The following C12orf42 variants were observed in gnomAD, a reference collection of about 807,000 sequenced individuals.
The protein encoded by C12orf42 is uncharacterized protein C12orf42.
A neutral mutation model predicts 21.6 loss-of-function variants in C12orf42; 25 were observed. That is an observed-to-expected ratio of 1.16 (90% confidence interval 0.84 to 1.62). The LOEUF (loss-of-function observed/expected upper bound fraction) is 1.62. Among genes scored for constraint, C12orf42 ranks in the 40% most tolerant of loss-of-function variants. The pLI, the probability that C12orf42 is intolerant of heterozygous loss-of-function variation, is 0.00. For synonymous variants in C12orf42, 174 were observed against 175.0 expected (o/e 0.99, Z 0.05); for missense variants, 483 against 459.3 (o/e 1.05, Z -0.47).
the C12orf42 span, among the ~76,000 whole-genome samples, chr12:103,531,946 GT>G: frequency 6.6e-6 from 1 of 152,100 alleles, no homozygotes; most frequent in Admixed American, 6.6e-5. Flanking sequence ...GCTTTTTTCT[GT>G]TTTTAAGACC....
chr12:103,433,120 G>C (rs1390687172), intron 2 of C12orf42, among the ~76,000 whole-genome samples: 1 of 152,122 alleles, frequency 6.6e-6, no homozygotes, highest in Non-Finnish European at 1.5e-5. Context: ...CCAACAGTAG[G>C]ATATAGATAC....
At chr12:103,107,427 A>G in the C12orf42 span, among the ~76,000 whole-genome samples, 1 of 152,002 alleles carries the variant, frequency 6.6e-6, no homozygotes. Context: ...CTGTTTTCTT[A>G]TACCTTGGCA....
the C12orf42 span, among the ~76,000 whole-genome samples, chr12:103,127,095 G>C: frequency 1.3e-5 from 2 of 152,180 alleles, no homozygotes; most frequent in African/African-American, 4.8e-5. Context: ...GGAGAATTCA[G>C]CACTGTCATA....
At chr12:103,336,510 T>C (rs1455903274) in intron 4 of C12orf42, among the ~76,000 whole-genome samples, 6 of 152,186 alleles carry the variant, frequency 3.9e-5, no homozygotes, top group African/African-American at 1.4e-4. Context: ...ATAATTCCTA[T>C]TTTGCAGCAT....
At chr12:103,380,242 A>G (rs984902702) in intron 3 of C12orf42, among the ~76,000 whole-genome samples, 5 of 152,190 alleles carry the variant, frequency 3.3e-5, no homozygotes, top group African/African-American at 1.2e-4. Context: ...AGTGAAAGTT[A>G]TTTCTAACAA....
At chr12:103,050,324 C>G in the C12orf42 span, among the ~76,000 whole-genome samples, 2 of 151,742 alleles carry the variant, frequency 1.3e-5, no homozygotes, top group African/African-American at 4.8e-5. Context: ...TCACTACTAC[C>G]TGTATTACTG....
At chr12:103,138,728 G>A in the C12orf42 span, among the ~76,000 whole-genome samples, 1 of 152,152 alleles carries the variant, frequency 6.6e-6, no homozygotes, top group Non-Finnish European at 1.5e-5. Flanking sequence ...CACACCCCTG[G>A]AGCCAATCAG....
the C12orf42 span, among the ~76,000 whole-genome samples, chr12:103,196,350 CTAAG>C: frequency 6.6e-6 from 1 of 152,094 alleles, no homozygotes; most frequent in Non-Finnish European, 1.5e-5. Flanking sequence ...TGTTTTATCA[CTAAG>C]TATGTGGTTG....
chr12:103,525,350 A>C, the C12orf42 span, among the ~76,000 whole-genome samples: 1 of 149,006 alleles, frequency 6.7e-6, no homozygotes, highest in Non-Finnish European at 1.5e-5. Context: ...GGAATCTTAA[A>C]GAAGCTGAGT....
chr12:103,081,792 C>A, the C12orf42 span, among the ~76,000 whole-genome samples: 1 of 151,984 alleles, frequency 6.6e-6, no homozygotes, highest in Non-Finnish European at 1.5e-5. Flanking sequence ...AAATAATTTT[C>A]TTTATTACTA....
In C12orf42 at chr12:103,435,135, A is replaced by G. The variant is rs371182265; in HGVS notation, c.79-33460T>C. Among the ~76,000 whole-genome samples the G allele has an allele frequency of 7.3e-3, 1,115 of 151,954 alleles. 11 individuals carry two copies. Among genetic ancestry groups the G allele is most frequent in the South Asian group, 0.01 (50 of 4,808 alleles). On this transcript the variant is annotated intron_variant, in intron 2 of 5. Transcript: ENST00000548883. The stretch of plus-strand genomic sequence containing the variant: ...CTAACTGGGAGGCACCCCCCAGCAG[A>G]GGCACACTGACACCTCACACAGCAG...
At position 103,451,425 on chromosome 12, in the gene C12orf42, G is replaced by A. The variant is rs192118436; in HGVS notation, c.78+26924C>T. Reference sequence around the variant, plus strand: ...AGACAGGTCTGTCTACGTTCCCAAGGCTAGTCTTCTGCTCCTGGGTTCAAG... The same window carrying A: ...AGACAGGTCTGTCTACGTTCCCAAGACTAGTCTTCTGCTCCTGGGTTCAAG... On this transcript the variant is annotated intron_variant, in intron 2 of 5. Coordinates refer to ENST00000548883, the MANE Select transcript of C12orf42 (RefSeq NM_198521.5). Among the ~76,000 whole-genome samples, 819 of 151,894 alleles carry A rather than the reference G, an allele frequency of 5.4e-3. 3 individuals carry two copies. The highest frequency in any genetic ancestry group is 0.027 in the Middle Eastern group (8 of 292).
intron 2 of C12orf42, chr12:103,441,593 A>G (rs765749094): frequency 5.3e-5 from 8 of 152,328 alleles, no homozygotes; most frequent in Non-Finnish European, 1.2e-4. Context: ...GGTTTGAATG[A>G]CTGAAGCCCA....
intron 4 of C12orf42, among the ~76,000 whole-genome samples, chr12:103,357,040 G>A (rs1462448296): frequency 8.0e-5 from 12 of 150,274 alleles, no homozygotes; most frequent in South Asian, 4.2e-4. Flanking sequence ...GTAAACTATC[G>A]CAAGGACAAA....
the C12orf42 span, among the ~76,000 whole-genome samples, chr12:103,049,564 C>T: frequency 6.6e-6 from 1 of 152,176 alleles, no homozygotes; most frequent in African/African-American, 2.4e-5. Flanking sequence ...GACAGTCTTA[C>T]CATTCCTCTG....
intron 4 of C12orf42, among the ~76,000 whole-genome samples, chr12:103,358,897 C>G (rs1297102644): frequency 6.6e-6 from 1 of 152,066 alleles, no homozygotes; most frequent in Non-Finnish European, 1.5e-5. Flanking sequence ...TGGTACAGCT[C>G]TACCTAAAAT....
intron 4 of C12orf42, among the ~76,000 whole-genome samples, chr12:103,333,746 T>A (rs1359582018): frequency 5.9e-5 from 9 of 152,126 alleles, no homozygotes; most frequent in South Asian, 4.2e-4. Flanking sequence ...AAAAAAAAAA[T>A]TTGGCCTGTA....
intron 3 of C12orf42, among the ~76,000 whole-genome samples, chr12:103,398,491 T>C (rs1000033208): frequency 3.9e-5 from 6 of 152,156 alleles, no homozygotes; most frequent in Non-Finnish European, 8.8e-5. Context: ...GTTTTAAAGC[T>C]TGGTAAAGGA....
At chr12:103,492,584 A>C (rs1375792791) in intron 1 of C12orf42, among the ~76,000 whole-genome samples, 4 of 152,164 alleles carry the variant, frequency 2.6e-5, no homozygotes, top group Non-Finnish European at 1.5e-5. Flanking sequence ...TCTCCAGCTC[A>C]TGACTTTTCA....
Sources: gnomAD v4.1 joint callset for allele counts (sites outside exome capture counted in the v4.1 genomes callset) on GRCh38, gnomAD v4.1.1 for gene constraint, MANE v1.5 for transcripts, NCBI Gene and HGNC (gene_info 2026-07-23, HGNC 2026-07-21) for gene names.